Variants in POLR1A observed in about 807,000 individuals in gnomAD.
POLR1A encodes DNA-directed RNA polymerase I subunit RPA1.
Under a neutral mutation model 205.3 loss-of-function variants are expected in POLR1A, and 84 were observed. The observed-to-expected ratio is 0.41, with a 90% confidence interval of 0.34 to 0.49. The LOEUF (loss-of-function observed/expected upper bound fraction) is 0.49, where lower values mean the gene tolerates loss of function less well. Among genes scored for constraint, POLR1A ranks in the 20% least tolerant of loss-of-function variants. POLR1A has a pLI of 0.22. For missense variants in POLR1A, 1,645 were observed against 2,204.5 expected (o/e 0.75, Z 5.08); for synonymous variants, 799 against 863.7 (o/e 0.93, Z 1.31).
At chr2:86,087,932 C>T (rs772646187) in intron 6 of POLR1A, among the ~76,000 whole-genome samples, 4 of 152,148 alleles carry the variant, frequency 2.6e-5, no homozygotes, top group Admixed American at 6.5e-5. Flanking sequence ...CAGCAGGTAC[C>T]GCTCTCAGTG....
At chr2:86,092,882 A>C (rs990958768) in intron 3 of POLR1A, among the ~76,000 whole-genome samples, 1 of 152,060 alleles carries the variant, frequency 6.6e-6, no homozygotes, top group Non-Finnish European at 1.5e-5. Flanking sequence ...TCTAGATACC[A>C]AAACCCAAAA....
At chr2:86,100,581 TAG>T (rs1201133958) in intron 1 of POLR1A, among the ~76,000 whole-genome samples, 1 of 151,474 alleles carries the variant, frequency 6.6e-6, no homozygotes, top group African/African-American at 2.4e-5. Flanking sequence ...TTGCCCAGGC[TAG>T]AGTGTAGTGG....
chr2:86,040,992 G>C (rs1194739622), intron 24 of POLR1A, among the ~76,000 whole-genome samples: 1 of 152,190 alleles, frequency 6.6e-6, no homozygotes, highest in South Asian at 2.1e-4. Flanking sequence ...GGCCATTATG[G>C]GGATGGGGGT....
chr2:86,064,768 T>G (rs1005560854), intron 14 of POLR1A, among the ~76,000 whole-genome samples: 8 of 151,976 alleles, frequency 5.3e-5, no homozygotes, highest in African/African-American at 1.7e-4. Flanking sequence ...TTTTTTTTTT[T>G]TGTGGAGACG....
chr2:86,064,555 G>A (rs1459752464), intron 14 of POLR1A, among the ~76,000 whole-genome samples: 1 of 151,976 alleles, frequency 6.6e-6, no homozygotes, highest in Non-Finnish European at 1.5e-5. Context: ...TCTCCTAAAT[G>A]GAGATAATAA....
intron 1 of POLR1A, among the ~76,000 whole-genome samples, chr2:86,103,015 T>C (rs971541995): frequency 6.6e-6 from 1 of 152,254 alleles, no homozygotes; most frequent in African/African-American, 2.4e-5. Context: ...GTGCTCACTG[T>C]GTGCCAGACA....
At chr2:86,099,576 G>A (rs747623233) in intron 2 of POLR1A, among the ~76,000 whole-genome samples, 11 of 151,946 alleles carry the variant, frequency 7.2e-5, no homozygotes, top group Non-Finnish European at 1.5e-4. Context: ...CCACACAAGT[G>A]CCTATAGAGA....
chr2:86,043,263 C>T, intron 22 of POLR1A, 68 bp from the exon 23 acceptor site: 1 of 1,329,180 alleles, frequency 7.5e-7, no homozygotes, highest in Non-Finnish European at 1.1e-6. Context: ...GAGGGCGTGA[C>T]AAGAGGGCCA....
intron 13 of POLR1A, among the ~76,000 whole-genome samples, chr2:86,068,386 C>CGGGCGG (rs1553436017): frequency 8.2e-5 from 1 of 12,240 alleles, no homozygotes; most frequent in African/African-American, 4.5e-4. Flanking sequence ...AGCACATGGG[C>CGGGCGG]GGGGGGGGGG....
At position 86,077,807 on chromosome 2, in the gene POLR1A, G is replaced by GCA. The variant is rs1558779681; in HGVS notation, c.1380+51_1380+52insTG. The GCA allele has an allele frequency of 5.9e-6, 6 of 1,008,684 alleles. No homozygotes were observed. The African/African-American group carries it at 1.6e-4, about 26-fold the overall frequency. 62.5% of individuals were successfully genotyped at this position (1,008,684 alleles called of 1,614,324 possible). ...GGGAGCAAATGAGCCCTGCACGCGC[G>GCA]CGCGCACACACACACACACACACAC... On this transcript the variant is annotated intron_variant, in intron 11 of 33. Coordinates refer to ENST00000263857, the MANE Select transcript of POLR1A (RefSeq NM_015425.6).
intron 14 of POLR1A, among the ~76,000 whole-genome samples, chr2:86,059,534 C>T (rs970035680): frequency 6.6e-6 from 1 of 152,178 alleles, no homozygotes; most frequent in African/African-American, 2.4e-5. Context: ...TTCTCCTGAA[C>T]AGTCCCAGGG....
chr2:86,078,927 A>G (rs1223507424), intron 9 of POLR1A, among the ~76,000 whole-genome samples: 1 of 152,054 alleles, frequency 6.6e-6, no homozygotes, highest in African/African-American at 2.4e-5. Context: ...TACCCAGGGG[A>G]CAGAAATACA....
At position 86,028,719 on chromosome 2, in the gene POLR1A, GAGGA is replaced by G. The variant is rs1672319980; in HGVS notation, c.4780-12_4780-9del. The G allele has an allele frequency of 6.2e-7, 1 of 1,604,736 alleles. No homozygotes were observed. Among genetic ancestry groups the G allele is most frequent in the Admixed American group, 1.7e-5 (1 of 60,000 alleles). On this transcript the variant is annotated splice_polypyrimidine_tract_variant and intron_variant, in intron 31 of 33. Coordinates refer to ENST00000263857, the MANE Select transcript of POLR1A (RefSeq NM_015425.6). The surrounding 1 kb of genome is among the most constrained non-coding windows in gnomAD (Gnocchi z 4.5). The stretch of plus-strand genomic sequence containing the variant: ...GCGGCGCAGATCCAGGACCTGGAGA[GAGGA>G]AGGAAGGGATTTATTTAGAGGGCCT...
Position 86,070,748 on chromosome 2 carries a change from C to T in POLR1A, c.1612-476G>A, listed in dbSNP as rs1256047857. Among the ~76,000 whole-genome samples the T allele has an allele frequency of 1.4e-5, 2 of 146,872 alleles. No homozygotes were observed. The highest frequency in any genetic ancestry group is 5.0e-5 in the African/African-American group (2 of 39,808). On this transcript the variant is annotated intron_variant, in intron 12 of 33. Coordinates refer to ENST00000263857, the MANE Select transcript of POLR1A (RefSeq NM_015425.6). The surrounding 1 kb of genome is among the most constrained non-coding windows in gnomAD (Gnocchi z 4.4). ...TACATTATTCTAAACAGAAATTCTA[C>T]ATTTCACAAAAAGTTTGCCCAGCTT...
At chr2:86,089,580 A>T (rs755240205) in intron 4 of POLR1A, among the ~76,000 whole-genome samples, 24 of 152,254 alleles carry the variant, frequency 1.6e-4, no homozygotes, top group Non-Finnish European at 3.2e-4. Context: ...GCTGGATGCT[A>T]TACCGAAATC....
intron 28 of POLR1A, 54 bp downstream of exon 28, chr2:86,033,607 C>A: frequency 6.3e-7 from 1 of 1,590,026 alleles, no homozygotes; most frequent in Non-Finnish European, 8.6e-7. Context: ...CAGAGCCTGC[C>A]CAGTCTGGGG....
intron 14 of POLR1A, among the ~76,000 whole-genome samples, chr2:86,059,641 A>G (rs926449028): frequency 7.2e-5 from 11 of 152,134 alleles, no homozygotes; most frequent in Admixed American, 4.6e-4. Context: ...TCTCAGCTCA[A>G]TGCAACCTCT....
intron 17 of POLR1A, 42 bp from the exon 18 acceptor site, chr2:86,049,084 G>A (rs763962453): frequency 3.7e-6 from 6 of 1,613,272 alleles, no homozygotes; most frequent in Non-Finnish European, 1.7e-6. Flanking sequence ...GAGGCCAAAC[G>A]ACGAGAGTGT....
Position 86,049,258 on chromosome 2 carries a change from G to C in POLR1A, c.2393-16C>G. ...TCTTCCACGCCTGTGAAGTGAAACA[G>C]ACAAGCTTGTAGGCGACCTCAGGCC... On this transcript the variant is annotated splice_polypyrimidine_tract_variant and intron_variant, in intron 16 of 33. Coordinates refer to ENST00000263857, the MANE Select transcript of POLR1A (RefSeq NM_015425.6). 6.2e-7 allele frequency: 1 copy of C among 1,604,852 alleles called. No homozygotes were observed. The highest frequency in any genetic ancestry group is 1.1e-5 in the South Asian group (1 of 90,884).
Sources: gnomAD v4.1 joint callset for allele counts (sites outside exome capture counted in the v4.1 genomes callset) on GRCh38, gnomAD v4.1.1 for gene constraint, Gnocchi (gnomAD v3.1) non-coding constraint, MANE v1.5 for transcripts, NCBI Gene and HGNC (gene_info 2026-07-23, HGNC 2026-07-21) for gene names.